Variants in RALYL observed in about 807,000 individuals in gnomAD.
RALYL encodes the protein RNA-binding Raly-like protein.
A neutral mutation model predicts 35.1 loss-of-function variants in RALYL; 29 were observed. That is an observed-to-expected ratio of 0.83 (90% CI 0.61 to 1.13). The LOEUF is 1.13. Ranked by LOEUF, RALYL falls within the 50% of genes most tolerant of loss-of-function variation. The pLI, the probability that RALYL is intolerant of heterozygous loss-of-function variation, is 0.00. For missense variants in RALYL, 359 were observed against 360.4 expected (o/e 1.00, Z 0.03); for synonymous variants, 120 against 127.6 (o/e 0.94, Z 0.40).
chr8:84,868,598 A>G (rs1455292152), intron 6 of RALYL, among the ~76,000 whole-genome samples: 1 of 152,224 alleles, frequency 6.6e-6, no homozygotes. Flanking sequence ...AATAAATTAA[A>G]TGATACACTT....
At chr8:84,245,853 C>A (rs941516486) in intron 1 of RALYL, among the ~76,000 whole-genome samples, 1 of 151,936 alleles carries the variant, frequency 6.6e-6, no homozygotes, top group African/African-American at 2.4e-5. Context: ...GCTGATTTAC[C>A]CTCACTACAA....
intron 4 of RALYL, among the ~76,000 whole-genome samples, chr8:84,847,126 G>C (rs528232548): frequency 6.6e-6 from 1 of 152,318 alleles, no homozygotes; most frequent in East Asian, 1.9e-4. Context: ...GCCATGTCTT[G>C]CTGCCGCTGC....
chr8:84,806,620 G>A (rs1415309934), intron 4 of RALYL, among the ~76,000 whole-genome samples: 1 of 151,460 alleles, frequency 6.6e-6, no homozygotes, highest in Non-Finnish European at 1.5e-5. Flanking sequence ...GGGAAAATTA[G>A]CATGGCACAC....
intron 2 of RALYL, among the ~76,000 whole-genome samples, chr8:84,540,879 G>C (rs945636151): frequency 2.0e-5 from 3 of 151,642 alleles, no homozygotes; most frequent in Admixed American, 6.6e-5. Context: ...TCTTGTGTCA[G>C]TTATGGAAAA....
At chr8:84,894,938 C>A (rs1472973271) in intron 8 of RALYL, among the ~76,000 whole-genome samples, 1 of 152,180 alleles carries the variant, frequency 6.6e-6, no homozygotes, top group African/African-American at 2.4e-5. Context: ...TGACTTTGAG[C>A]AAGCCACTTA....
At chr8:84,786,286 C>T (rs1190309511) in intron 3 of RALYL, among the ~76,000 whole-genome samples, 1 of 152,170 alleles carries the variant, frequency 6.6e-6, no homozygotes, top group Non-Finnish European at 1.5e-5. Context: ...CTGCAATGAA[C>T]ATATGTGTGC....
chr8:84,658,230 T>C (rs1437817931), intron 2 of RALYL, among the ~76,000 whole-genome samples: 1 of 152,178 alleles, frequency 6.6e-6, no homozygotes, highest in Admixed American at 6.5e-5. Context: ...TATAGTTTAT[T>C]GAATATGTGT....
intron 1 of RALYL, among the ~76,000 whole-genome samples, chr8:84,225,184 T>A (rs568849628): frequency 2.6e-5 from 4 of 152,348 alleles, no homozygotes; most frequent in African/African-American, 7.2e-5. Flanking sequence ...GATTCTGGTA[T>A]AAAATGTGTG....
intron 1 of RALYL, among the ~76,000 whole-genome samples, chr8:84,332,510 A>G (rs1002823690): frequency 2.0e-5 from 3 of 152,164 alleles, no homozygotes; most frequent in Non-Finnish European, 4.4e-5. Context: ...AGGATTATAC[A>G]AGGTTGGATC....
chr8:84,212,022 C>G (rs1489457284), intron 1 of RALYL, among the ~76,000 whole-genome samples: 6 of 152,066 alleles, frequency 3.9e-5, no homozygotes, highest in Admixed American at 1.3e-4. Flanking sequence ...ACAGAAAATT[C>G]ACTATTGCAA....
intron 1 of RALYL, among the ~76,000 whole-genome samples, chr8:84,399,235 G>A (rs2042650827): frequency 6.6e-6 from 1 of 152,144 alleles, no homozygotes; most frequent in African/African-American, 2.4e-5. Context: ...TAGAACATGT[G>A]CTAAGTACTT....
At chr8:84,272,340 C>CA (rs1834482904) in intron 1 of RALYL, among the ~76,000 whole-genome samples, 1 of 152,088 alleles carries the variant, frequency 6.6e-6, no homozygotes, top group Admixed American at 6.5e-5. Flanking sequence ...GTGATCCACC[C>CA]ACCTGAGTCT....
intron 1 of RALYL, among the ~76,000 whole-genome samples, chr8:84,268,766 G>A (rs1833776351): frequency 6.6e-6 from 1 of 152,164 alleles, no homozygotes; most frequent in Non-Finnish European, 1.5e-5. Flanking sequence ...GCCATGTGCT[G>A]TAGCCTTCTG....
chr8:84,853,715 T>A (rs746448478), intron 5 of RALYL, among the ~76,000 whole-genome samples: 2 of 152,096 alleles, frequency 1.3e-5, no homozygotes, highest in African/African-American at 2.4e-5. Context: ...GAGTTCCCTA[T>A]AAACATAGAA....
chr8:84,439,388 C>G (rs949654039), intron 1 of RALYL, among the ~76,000 whole-genome samples: 1 of 151,884 alleles, frequency 6.6e-6, no homozygotes, highest in Non-Finnish European at 1.5e-5. Flanking sequence ...CTGCTGTGTA[C>G]AATACAGGGG....
At position 84,327,363 on chromosome 8, in the gene RALYL, C is replaced by T. The variant is rs770396439; in HGVS notation, c.-24+142939C>T. Among the ~76,000 whole-genome samples, 6 of 152,094 alleles carry T rather than the reference C, an allele frequency of 3.9e-5. No individual in the cohort carries two copies. In the South Asian group the frequency reaches 6.2e-4, roughly 16 times the overall value. ...CACAATCTAGAGAACAGGCACAATT[C>T]CACAGTGGCAGCCTGTGGAGTCTGC... On this transcript the variant is annotated intron_variant, in intron 1 of 8. Coordinates refer to ENST00000521268, the MANE Select transcript of RALYL (RefSeq NM_173848.7).
At chr8:84,647,857 G>C (rs1400112845) in intron 2 of RALYL, among the ~76,000 whole-genome samples, 1 of 152,100 alleles carries the variant, frequency 6.6e-6, no homozygotes, top group Non-Finnish European at 1.5e-5. Context: ...TACTGAAAAA[G>C]TGACATTTGA....
At chr8:84,357,577 T>C (rs187648889) in intron 1 of RALYL, among the ~76,000 whole-genome samples, 10 of 151,898 alleles carry the variant, frequency 6.6e-5, no homozygotes, top group Admixed American at 2.6e-4. Flanking sequence ...AAGAAACAAG[T>C]TTTTAATCCG....
chr8:84,757,416 A>T (rs1314639997), intron 2 of RALYL, among the ~76,000 whole-genome samples: 1 of 152,160 alleles, frequency 6.6e-6, no homozygotes, highest in Non-Finnish European at 1.5e-5. Context: ...CATTCATTCA[A>T]ATTCTTGGGA....
Sources: allele counts gnomAD v4.1 joint callset (sites outside exome capture counted in the v4.1 genomes callset), GRCh38; gene constraint gnomAD v4.1.1; transcripts MANE v1.5; gene names NCBI Gene and HGNC (gene_info 2026-07-23, HGNC 2026-07-21).